PUM3: variants seen among roughly 807,000 people sequenced by gnomAD.
The protein encoded by PUM3 is pumilio RNA binding family member 3.
Under a neutral mutation model 84.0 loss-of-function variants are expected in PUM3, and 91 were observed. The ratio of observed to expected loss-of-function variants is 1.08; its 90% CI spans 0.91 to 1.29. The LOEUF (loss-of-function observed/expected upper bound fraction) is 1.29. PUM3 is among the 50% of genes most tolerant of loss of function. PUM3 has a pLI of 0.00. For synonymous variants in PUM3, 321 were observed against 266.7 expected, an observed-to-expected ratio of 1.20 and a Z score of -1.98; for missense variants, 1,067 against 767.5, an observed-to-expected ratio of 1.39 and a Z score of -4.61.
chr9:2,835,813 GA>G (rs1816105513), intron 3 of PUM3, among the ~76,000 whole-genome samples: 1 of 152,086 alleles, frequency 6.6e-6, no homozygotes, highest in South Asian at 2.1e-4. Flanking sequence ...AAAAATATGA[GA>G]AAATGAAATC....
chr9:2,820,320 G>C (rs1312172369), intron 12 of PUM3, among the ~76,000 whole-genome samples: 2 of 151,512 alleles, frequency 1.3e-5, no homozygotes, highest in African/African-American at 4.8e-5. Context: ...ATATTCTAGA[G>C]GTAAGGTTGA....
At chr9:2,828,208 A>T (rs1178816286) in intron 9 of PUM3, among the ~76,000 whole-genome samples, 1 of 151,944 alleles carries the variant, frequency 6.6e-6, no homozygotes, top group Non-Finnish European at 1.5e-5. Flanking sequence ...AGCCTGGCTA[A>T]TTTTCTTATT....
At chr9:2,839,043 T>G (rs1397357820) in intron 1 of PUM3, among the ~76,000 whole-genome samples, 1 of 152,176 alleles carries the variant, frequency 6.6e-6, no homozygotes, top group African/African-American at 2.4e-5. Flanking sequence ...TAGCATCCAG[T>G]GTTTAATCTG....
At chr9:2,810,550 T>A in intron 15 of PUM3, 119 bp from the exon 16 acceptor site, 1 of 649,636 alleles carries the variant, frequency 1.5e-6, no homozygotes, top group Non-Finnish European at 2.6e-6. Context: ...ACTTTTAAAG[T>A]TCCACAGGCT....
intron 12 of PUM3, among the ~76,000 whole-genome samples, chr9:2,821,999 A>T (rs1815653532): frequency 6.6e-6 from 1 of 152,198 alleles, no homozygotes; most frequent in Non-Finnish European, 1.5e-5. Context: ...AGTGAAGGAG[A>T]CAAAATATAG....
chr9:2,838,084 G>A (rs1040222167), intron 2 of PUM3, among the ~76,000 whole-genome samples: 3 of 152,056 alleles, frequency 2.0e-5, no homozygotes, highest in Non-Finnish European at 4.4e-5. Flanking sequence ...TATAAATTCT[G>A]AACCTAAACG....
intron 13 of PUM3, among the ~76,000 whole-genome samples, chr9:2,815,017 G>A (rs1168741060): frequency 6.6e-6 from 1 of 152,098 alleles, no homozygotes; most frequent in Non-Finnish European, 1.5e-5. Flanking sequence ...TATAAAATGA[G>A]AAACTGGGAC....
Position 2,816,455 on chromosome 9 carries a change from T to C in PUM3, c.1269+3563A>G, listed in dbSNP as rs80213864. Among the ~76,000 whole-genome samples, 1,505 of 152,316 alleles carry C rather than the reference T, an allele frequency of 9.9e-3. 18 individuals are homozygous for C. Among genetic ancestry groups the C allele is most frequent in the Middle Eastern group, 0.037 (11 of 294 alleles). ...CCTGGAGATTGCCTAACAATGAGCATATTTAATACTACTTAACTGTATCCT... is the reference window on the plus strand; with the variant it reads ...CCTGGAGATTGCCTAACAATGAGCACATTTAATACTACTTAACTGTATCCT... On this transcript the variant is annotated intron_variant, in intron 13 of 17. Transcript: ENST00000397885.
chr9:2,819,846 C>T (rs1164052291), intron 13 of PUM3, among the ~76,000 whole-genome samples, 172 bp downstream of exon 13: 5 of 152,068 alleles, frequency 3.3e-5, no homozygotes, highest in Non-Finnish European at 5.9e-5. Context: ...TTAAGATTTA[C>T]ACAGGAATAA....
intron 9 of PUM3, among the ~76,000 whole-genome samples, chr9:2,828,145 G>T (rs1049884280): frequency 6.6e-6 from 1 of 152,130 alleles, no homozygotes; most frequent in African/African-American, 2.4e-5. Context: ...GCTCCAGTGA[G>T]CCTCCTGCCT....
intron 10 of PUM3, among the ~76,000 whole-genome samples, chr9:2,826,546 G>A (rs1044528078): frequency 6.6e-6 from 1 of 152,214 alleles, no homozygotes; most frequent in African/African-American, 2.4e-5. Flanking sequence ...ACTGTATGAT[G>A]AGGCAAGCAA....
intron 7 of PUM3, among the ~76,000 whole-genome samples, chr9:2,830,298 C>G (rs1317607139): frequency 6.6e-6 from 1 of 152,166 alleles, no homozygotes; most frequent in Non-Finnish European, 1.5e-5. Context: ...GCTAGGAATA[C>G]ATTTTTGAAA....
chr9:2,823,965 G>C (rs1815738254), intron 11 of PUM3, 131 bp from the exon 12 acceptor site: 1 of 513,970 alleles, frequency 1.9e-6, no homozygotes, highest in Non-Finnish European at 3.4e-6. Context: ...AAAAATAATA[G>C]TTATACAGCC....
chr9:2,829,698 T>C (rs1014833983), intron 8 of PUM3, 76 bp downstream of exon 8: 24 of 1,252,374 alleles, frequency 1.9e-5, no homozygotes, highest in Non-Finnish European at 2.5e-5. Flanking sequence ...ATTCAAAAGA[T>C]ATATAGGGCA....
At chr9:2,836,111 A>G (rs1183764170) in intron 3 of PUM3, among the ~76,000 whole-genome samples, 1 of 152,164 alleles carries the variant, frequency 6.6e-6, no homozygotes, top group Non-Finnish European at 1.5e-5. Context: ...CTGGAGCCCT[A>G]ATGGGAAACG....
At chr9:2,824,848 T>C (rs1223568703) in intron 10 of PUM3, 33 bp from the exon 11 acceptor site, 2 of 1,399,078 alleles carry the variant, frequency 1.4e-6, no homozygotes, top group Admixed American at 2.2e-5. Flanking sequence ...AACAGGGCTC[T>C]GCTTTATTTT....
At chr9:2,814,583 C>T (rs904524616) in intron 13 of PUM3, among the ~76,000 whole-genome samples, 2 of 152,022 alleles carry the variant, frequency 1.3e-5, no homozygotes, top group African/African-American at 4.8e-5. Flanking sequence ...CTTTAGTGTA[C>T]CTTTAGGTAC....
rs1815972456 is a variant in PUM3 at position 2,831,280 on chromosome 9, T to C, written c.581A>G (p.Gln194Arg). Residue 194 changes from glutamine to arginine, a missense_variant, in exon 6 of 18, where the codon CAG becomes CGG. Gln to Arg is a conservative substitution (Grantham distance 43). Transcript: ENST00000397885. ...QCYIQYGNEE[Q>R]RKQAFEELRD... is the part of the protein sequence containing the mutation. Reference sequence around the variant, plus strand: ...CAATTCTTCAAAAGCCTGTTTTCTCTGTTCTTCATTACCATACTGAATGTA... The same window carrying C: ...CAATTCTTCAAAAGCCTGTTTTCTCCGTTCTTCATTACCATACTGAATGTA... 6.2e-7 allele frequency: 1 copy of C among 1,607,962 alleles called. No individual in the cohort carries two copies. Among genetic ancestry groups the C allele is most frequent in the South Asian group, 1.1e-5 (1 of 89,968 alleles).
At chr9:2,807,060 TA>T (rs1321845789) in intron 17 of PUM3, among the ~76,000 whole-genome samples, 1 of 151,806 alleles carries the variant, frequency 6.6e-6, no homozygotes, top group African/African-American at 2.4e-5. Context: ...TAAAAAAAAT[TA>T]GCTGGGCGTG....
Sources: allele counts gnomAD v4.1 joint callset (sites outside exome capture counted in the v4.1 genomes callset), GRCh38; gene constraint gnomAD v4.1.1; transcripts MANE v1.5; gene names NCBI Gene and HGNC (gene_info 2026-07-23, HGNC 2026-07-21).